Variants in NR6A1 observed in about 807,000 individuals in gnomAD.
NR6A1 encodes the protein retinoic acid receptor-related testis-associated receptor.
In NR6A1, 7 loss-of-function variants were observed where a neutral mutation model predicts 59.1. The ratio of observed to expected loss-of-function variants is 0.12; its 90% CI spans 0.07 to 0.22. The LOEUF (loss-of-function observed/expected upper bound fraction) is 0.22. NR6A1 is among the 10% of genes least tolerant of loss of function. The pLI, the probability that NR6A1 is intolerant of heterozygous loss-of-function variation, is 1.00. For missense variants in NR6A1, 468 were observed against 611.6 expected (o/e 0.77, Z 2.48); for synonymous variants, 243 against 236.1 (o/e 1.03, Z -0.27).
intron 2 of NR6A1, among the ~76,000 whole-genome samples, chr9:124,636,748 G>A (rs1007255051): frequency 2.0e-5 from 3 of 152,128 alleles, no homozygotes; most frequent in South Asian, 2.1e-4. Context: ...TCTAATTCTA[G>A]GCTGTCTATT....
At chr9:124,693,068 T>C (rs562766976) in intron 2 of NR6A1, among the ~76,000 whole-genome samples, 8 of 152,322 alleles carry the variant, frequency 5.3e-5, no homozygotes, top group African/African-American at 1.9e-4. Flanking sequence ...ATTGCCTTAC[T>C]AGTGCCCACA....
intron 3 of NR6A1, among the ~76,000 whole-genome samples, chr9:124,549,878 C>G (rs1833718009): frequency 6.6e-6 from 1 of 152,180 alleles, no homozygotes. Flanking sequence ...CCAGTTGTTT[C>G]ACTGATATCT....
At chr9:124,589,097 C>T (rs908655962) in intron 2 of NR6A1, among the ~76,000 whole-genome samples, 1 of 152,056 alleles carries the variant, frequency 6.6e-6, no homozygotes, top group African/African-American at 2.4e-5. Flanking sequence ...ATAAAAGAGT[C>T]GAGGATAGCA....
intron 2 of NR6A1, among the ~76,000 whole-genome samples, chr9:124,556,180 G>A (rs967412088): frequency 2.0e-5 from 3 of 152,188 alleles, no homozygotes; most frequent in African/African-American, 4.8e-5. Context: ...AGAATCTTGC[G>A]GTAGGGGGTT....
At chr9:124,618,279 C>T (rs997279236) in intron 2 of NR6A1, among the ~76,000 whole-genome samples, 5 of 152,040 alleles carry the variant, frequency 3.3e-5, no homozygotes, top group Admixed American at 1.3e-4. Flanking sequence ...GACAAAAGTT[C>T]GAGACCACCC....
intron 2 of NR6A1, among the ~76,000 whole-genome samples, chr9:124,583,377 A>G (rs1315925249): frequency 1.3e-5 from 2 of 152,160 alleles, no homozygotes; most frequent in Non-Finnish European, 2.9e-5. Flanking sequence ...ATTTGTAACA[A>G]GGTTAAGTAA....
chr9:124,695,453 C>A (rs574919841), intron 2 of NR6A1, among the ~76,000 whole-genome samples: 47 of 152,260 alleles, frequency 3.1e-4, no homozygotes, highest in African/African-American at 1.0e-3. Context: ...CGGCTCACTG[C>A]AACCTCTGCT....
intron 2 of NR6A1, among the ~76,000 whole-genome samples, chr9:124,559,151 C>G (rs1218127212): frequency 6.6e-6 from 1 of 152,074 alleles, no homozygotes; most frequent in Non-Finnish European, 1.5e-5. Context: ...ACATATTATT[C>G]CTATATTACT....
intron 2 of NR6A1, among the ~76,000 whole-genome samples, chr9:124,670,138 G>A (rs1837744858): frequency 6.6e-6 from 1 of 151,792 alleles, no homozygotes; most frequent in African/African-American, 2.4e-5. Flanking sequence ...CCAGCACTTT[G>A]GGAAACTGAG....
intron 2 of NR6A1, among the ~76,000 whole-genome samples, chr9:124,691,528 CATTTTTCAA>C (rs1449523344): frequency 3.3e-5 from 5 of 152,134 alleles, no homozygotes; most frequent in South Asian, 2.1e-4. Flanking sequence ...ATTATTAATT[CATTTTTCAA>C]ATTTTTCATC....
At chr9:124,700,411 G>A (rs973892533) in intron 2 of NR6A1, among the ~76,000 whole-genome samples, 12 of 151,540 alleles carry the variant, frequency 7.9e-5, no homozygotes, top group South Asian at 2.1e-4. Flanking sequence ...AGTAAAGATG[G>A]GGTTTCACCA....
At chr9:124,633,228 C>T (rs1004396636) in intron 2 of NR6A1, among the ~76,000 whole-genome samples, 8 of 151,770 alleles carry the variant, frequency 5.3e-5, no homozygotes, top group Admixed American at 1.3e-4. Context: ...CACGGTGAAA[C>T]CCCGTCTCTA....
intron 9 of NR6A1, among the ~76,000 whole-genome samples, chr9:124,523,443 C>G (rs531432657): frequency 1.3e-4 from 20 of 152,074 alleles, no homozygotes; most frequent in South Asian, 6.3e-4. Context: ...GGGAGCCGTT[C>G]GAAAACACTG....
chr9:124,589,262 C>A (rs1019782402), intron 2 of NR6A1, among the ~76,000 whole-genome samples: 22 of 151,914 alleles, frequency 1.4e-4, no homozygotes, highest in African/African-American at 4.8e-4. Flanking sequence ...CTGGCTAACA[C>A]GGTGAAACCC....
chr9:124,607,869 A>T lies in NR6A1; in HGVS notation c.143-53299T>A, dbSNP rs1835617621. On this transcript the variant is annotated intron_variant, in intron 2 of 9. Coordinates refer to ENST00000487099, the MANE Select transcript of NR6A1 (RefSeq NM_033334.4). ...AGACCAACCTGGGCAACATAGCGTA[A>T]CCCTGTCTCTACAAAAATAAACAAG... Among the ~76,000 whole-genome samples the T allele has an allele frequency of 2.0e-5, 3 of 152,240 alleles. No homozygotes were observed. In the South Asian group the frequency reaches 6.2e-4, roughly 32 times the overall value.
chr9:124,721,361 T>C (rs1444177041), intron 2 of NR6A1, among the ~76,000 whole-genome samples: 1 of 152,172 alleles, frequency 6.6e-6, no homozygotes, highest in Non-Finnish European at 1.5e-5. Context: ...ACCCCTACCC[T>C]GATCAAAACA....
At chr9:124,542,064 T>C (rs1260369757) in intron 4 of NR6A1, among the ~76,000 whole-genome samples, 1 of 152,220 alleles carries the variant, frequency 6.6e-6, no homozygotes, top group Non-Finnish European at 1.5e-5. Context: ...GTTTCAGTCA[T>C]GTAAGATGGA....
chr9:124,734,519 CCT>C (rs1198955410), intron 1 of NR6A1, among the ~76,000 whole-genome samples: 4 of 152,102 alleles, frequency 2.6e-5, no homozygotes, highest in African/African-American at 7.2e-5. Flanking sequence ...AGGGTGAAAC[CCT>C]GTCTCTATTA....
At position 124,667,183 on chromosome 9, in the gene NR6A1, C is replaced by T. The variant is rs560184939; in HGVS notation, c.142+66125G>A. Among the ~76,000 whole-genome samples the T allele has an allele frequency of 1.4e-3, 209 of 151,944 alleles. 1 individual carries two copies. The highest frequency in any genetic ancestry group is 2.1e-3 in the Non-Finnish European group (140 of 67,936). On this transcript the variant is annotated intron_variant, in intron 2 of 9. Transcript: ENST00000487099. ...CTGAGTAGCTGGGATTACAGGCACC[C>T]GCCACGCCTGGCTAAATTTTTGTAT...
Sources: gnomAD v4.1 joint callset for allele counts (sites outside exome capture counted in the v4.1 genomes callset) on GRCh38, gnomAD v4.1.1 for gene constraint, MANE v1.5 for transcripts, NCBI Gene and HGNC (gene_info 2026-07-23, HGNC 2026-07-21) for gene names.